Variants in ANO4 observed in about 807,000 individuals in gnomAD.
ANO4 encodes the protein anoctamin-4.
In ANO4, 69 loss-of-function variants were observed where a neutral mutation model predicts 141.9. The observed-to-expected ratio is 0.49, with a 90% CI of 0.40 to 0.59. The LOEUF is 0.59. Among genes scored for constraint, ANO4 ranks in the 20% least tolerant of loss-of-function variants. ANO4 has a pLI of 0.00. For synonymous variants in ANO4, 350 were observed against 394.3 expected (o/e 0.89, Z 1.33); for missense variants, 894 against 1,162.2 (o/e 0.77, Z 3.36).
At chr12:100,813,076 C>T (rs964001312) in intron 1 of ANO4, among the ~76,000 whole-genome samples, 1 of 152,162 alleles carries the variant, frequency 6.6e-6, no homozygotes, top group African/African-American at 2.4e-5. Context: ...TACAGTGTAG[C>T]TACTATTCTG....
chr12:100,926,862 G>T (rs2041896733), intron 3 of ANO4, among the ~76,000 whole-genome samples: 1 of 152,066 alleles, frequency 6.6e-6, no homozygotes, highest in Non-Finnish European at 1.5e-5. Flanking sequence ...CTGGTAGGGG[G>T]AATGGAAAGG....
intron 1 of ANO4, among the ~76,000 whole-genome samples, chr12:100,822,243 C>T (rs574824264): frequency 5.3e-5 from 8 of 151,976 alleles, no homozygotes; most frequent in Non-Finnish European, 1.2e-4. Flanking sequence ...TGCTGCTGAG[C>T]CACAGTCAGC....
At chr12:100,884,080 T>C (rs552044900) in intron 1 of ANO4, among the ~76,000 whole-genome samples, 1 of 152,182 alleles carries the variant, frequency 6.6e-6, no homozygotes, top group Non-Finnish European at 1.5e-5. Context: ...AATTAATCAT[T>C]GTAGATTTGA....
In ANO4 at chr12:101,120,611, A is replaced by G. The variant is rs1384103928; in HGVS notation, c.2662A>G (p.Ile888Val). 4 of 1,613,812 alleles carry G rather than the reference A, an allele frequency of 2.5e-6. No homozygotes were observed. Among genetic ancestry groups the G allele is most frequent in the East Asian group, 4.5e-5 (2 of 44,874 alleles). ...WHVLAARLAF[I>V]IVFEHLVFCI... ...TGTCCTAGCTGCTCGATTAGCTTTT[A>G]TCATTGTCTTTGAGGTAAGTTTCCT... Residue 888 changes from isoleucine to valine, a missense_variant, in exon 26 of 28, where the codon ATC (isoleucine) becomes GTC (valine). By Grantham distance (29) the Ile-to-Val change is conservative. Transcript: ENST00000392977.
intron 1 of ANO4, among the ~76,000 whole-genome samples, chr12:100,870,610 C>T (rs2038982641): frequency 6.6e-6 from 1 of 151,962 alleles, no homozygotes; most frequent in South Asian, 2.1e-4. Context: ...TCCTGTGGGT[C>T]ACTTTTATCT....
intron 1 of ANO4, among the ~76,000 whole-genome samples, chr12:100,826,516 G>A (rs567239225): frequency 1.3e-5 from 2 of 152,102 alleles, no homozygotes; most frequent in African/African-American, 4.8e-5. Context: ...CCATACCAGC[G>A]TGTTGGGTGC....
chr12:100,926,936 C>T (rs1329618078), intron 3 of ANO4, among the ~76,000 whole-genome samples: 1 of 152,092 alleles, frequency 6.6e-6, no homozygotes, highest in African/African-American at 2.4e-5. Context: ...GTCAGTCACA[C>T]AGAGAGTTCC....
chr12:100,740,019 C>T, exon 3 of ANO4: 1 of 702,608 alleles, frequency 1.4e-6, no homozygotes, highest in Non-Finnish European at 2.6e-6. Flanking sequence ...CAGGCCACAC[C>T]TTTGTCCTGT....
intron 1 of ANO4, among the ~76,000 whole-genome samples, chr12:100,880,082 C>T (rs1335666364): frequency 6.6e-6 from 1 of 152,084 alleles, no homozygotes; most frequent in Non-Finnish European, 1.5e-5. Flanking sequence ...GCACAGTACA[C>T]ATTGTAGGGG....
chr12:100,723,471 G>A, intron 1 of ANO4, among the ~76,000 whole-genome samples: 1 of 152,014 alleles, frequency 6.6e-6, no homozygotes, highest in Non-Finnish European at 1.5e-5. Flanking sequence ...CTCTTATAAG[G>A]GAACTAATCC....
At chr12:100,967,352 T>A (rs949414769) in intron 5 of ANO4, among the ~76,000 whole-genome samples, 1 of 152,166 alleles carries the variant, frequency 6.6e-6, no homozygotes, top group Non-Finnish European at 1.5e-5. Flanking sequence ...AGGAAAGACC[T>A]ATCTAGAAAC....
intron 14 of ANO4, among the ~76,000 whole-genome samples, chr12:101,077,402 A>C (rs528115504): frequency 9.9e-5 from 15 of 152,270 alleles, no homozygotes; most frequent in Non-Finnish European, 1.8e-4. Context: ...GTGTCCTGTG[A>C]ATCTTCCTAG....
chr12:100,819,102 T>C lies in ANO4; in HGVS notation c.-141+24075T>C, dbSNP rs2035894769. ...ATATTTCTATTTTAAATAACCTGAG[T>C]AATGACATTAGATGAATTTTTTTTG... On this transcript the variant is annotated intron_variant, in intron 1 of 27. Transcript: ENST00000392977. 2.7e-5 allele frequency among the ~76,000 whole-genome samples: 4 copies of C among 145,838 alleles called. No homozygotes were observed. The South Asian group carries it at 8.7e-4, about 32-fold the overall frequency.
At chr12:100,899,605 T>C (rs2040495946) in intron 1 of ANO4, among the ~76,000 whole-genome samples, 1 of 152,226 alleles carries the variant, frequency 6.6e-6, no homozygotes, top group Non-Finnish European at 1.5e-5. Context: ...ATTTGAGTCA[T>C]CCTTCCTTAA....
chr12:100,884,683 G>A (rs1346741501), intron 1 of ANO4, among the ~76,000 whole-genome samples: 1 of 152,050 alleles, frequency 6.6e-6, no homozygotes, highest in African/African-American at 2.4e-5. Flanking sequence ...AGACTCTAGG[G>A]GAGAATCTGT....
At chr12:101,085,165 T>C (rs186761127) in intron 16 of ANO4, among the ~76,000 whole-genome samples, 13 of 152,344 alleles carry the variant, frequency 8.5e-5, no homozygotes, top group African/African-American at 3.1e-4. Context: ...GAAAGGAATC[T>C]CTAAATCAGC....
intron 2 of ANO4, among the ~76,000 whole-genome samples, chr12:100,920,464 A>G (rs2041578591): frequency 6.9e-6 from 1 of 145,304 alleles, no homozygotes. Context: ...TTGGCCATCA[A>G]ATAGAACAAA....
chr12:101,053,547 G>A (rs1752363212), intron 14 of ANO4, among the ~76,000 whole-genome samples: 1 of 152,110 alleles, frequency 6.6e-6, no homozygotes, highest in African/African-American at 2.4e-5. Context: ...ATGGCTGATG[G>A]TCCTTGGCCT....
intron 1 of ANO4, among the ~76,000 whole-genome samples, chr12:100,845,628 G>A (rs935730679): frequency 4.6e-5 from 7 of 152,002 alleles, no homozygotes; most frequent in Non-Finnish European, 1.5e-5. Flanking sequence ...GTGATACATG[G>A]CTACATAATC....
Sources: gnomAD v4.1 joint callset for allele counts (sites outside exome capture counted in the v4.1 genomes callset) on GRCh38, gnomAD v4.1.1 for gene constraint, MANE v1.5 for transcripts, NCBI Gene and HGNC (gene_info 2026-07-23, HGNC 2026-07-21) for gene names.